The following SERTM1 variants were observed in gnomAD, a reference collection of about 807,000 sequenced individuals.
The protein encoded by SERTM1 is serine rich and transmembrane domain containing 1, also known as serine-rich and transmembrane domain-containing protein 1.
In SERTM1, 1 loss-of-function variant was observed where a neutral mutation model predicts 5.5. That is an observed-to-expected ratio of 0.18 (90% confidence interval 0.06 to 0.86). SERTM1 has a LOEUF of 0.86. Among genes scored for constraint, SERTM1 ranks in the 40% least tolerant of loss-of-function variants. The probability of loss-of-function intolerance (pLI) is 0.69; values close to 1 mark genes in which losing one functional copy is unlikely to be tolerated. For synonymous variants in SERTM1, 52 were observed against 55.1 expected, an observed-to-expected ratio of 0.94 and a Z score of 0.25; for missense variants, 91 against 122.4, an observed-to-expected ratio of 0.74 and a Z score of 1.21.
In SERTM1 at chr13:36,695,490, GA is replaced by G. The variant is rs1320046202; in HGVS notation, c.*89del. ...TGAGGCATTGCCTCATGAAAGAAAT[GA>G]TCCTTTTGGTGTAGACCTGCTTCTC... On this transcript the variant is annotated 3_prime_UTR_variant, in exon 2 of 2. Transcript: ENST00000315190. 1 of 937,774 alleles carries G rather than the reference GA, an allele frequency of 1.1e-6. No individual in the cohort carries two copies. The highest frequency in any genetic ancestry group is 2.4e-5 in the Admixed American group (1 of 42,270). The allele number at this position is 937,774 out of a possible 1,614,324, so 58.1% of individuals were successfully genotyped here.
chr13:36,684,362 C>G (rs1172846413), intron 1 of SERTM1, among the ~76,000 whole-genome samples: 1 of 152,102 alleles, frequency 6.6e-6, no homozygotes, highest in Non-Finnish European at 1.5e-5. Context: ...ATAATACTAA[C>G]TGACTTAATG....
chr13:36,674,706 A>T (rs1261023159), intron 1 of SERTM1, among the ~76,000 whole-genome samples: 2 of 152,078 alleles, frequency 1.3e-5, no homozygotes, highest in Non-Finnish European at 2.9e-5. Context: ...CTTCTCGGGA[A>T]CGGGGACTCG....
chr13:36,687,835 G>A (rs1300380940), intron 1 of SERTM1, among the ~76,000 whole-genome samples: 1 of 152,030 alleles, frequency 6.6e-6, no homozygotes, highest in African/African-American at 2.4e-5. Flanking sequence ...CATTAAACTC[G>A]TTAGCCTGGA....
In SERTM1 at chr13:36,694,444, G is replaced by A. The variant is rs560104725; in HGVS notation, c.-173-462G>A. On this transcript the variant is annotated intron_variant, in intron 1 of 1. Transcript: ENST00000315190. The stretch of plus-strand genomic sequence containing the variant: ...ACAAATCAGCATCTTACAAACATTC[G>A]ATAAAAAGCAAACTCACATGTGCAG... Among the ~76,000 whole-genome samples, 33 of 152,288 alleles carry A rather than the reference G, an allele frequency of 2.2e-4. No individual in the cohort carries two copies. The South Asian group carries it at 6.4e-3, about 30-fold the overall frequency.
In SERTM1 at chr13:36,696,577, G is replaced by T. The variant is rs151065693; in HGVS notation, c.*1175G>T. Reference sequence around the variant, plus strand: ...CTTTAGGGATCCTAGGAGCTGCCGTGCTGCAGGCAGCAGAGTATGTCTGAA... The same window carrying T: ...CTTTAGGGATCCTAGGAGCTGCCGTTCTGCAGGCAGCAGAGTATGTCTGAA... On this transcript the variant is annotated 3_prime_UTR_variant, in exon 2 of 2. Transcript: ENST00000315190. 1 of 166,926 alleles carries T rather than the reference G, an allele frequency of 6.0e-6. No individual in the cohort carries two copies. Among genetic ancestry groups the T allele is most frequent in the African/African-American group, 2.4e-5 (1 of 41,402 alleles). The allele number at this position is 166,926 out of a possible 1,614,324, so 10.3% of individuals were successfully genotyped here.
chr13:36,695,632 G>T lies in SERTM1; in HGVS notation c.*230G>T, dbSNP rs1170544077. On this transcript the variant is annotated 3_prime_UTR_variant, in exon 2 of 2. Coordinates refer to ENST00000315190, the MANE Select transcript of SERTM1 (RefSeq NM_203451.3). ...CAAGGTGCAGAATTTCACACAAATG[G>T]CTTGATGAATCTAGACTGGGCTTCT... 7 of 579,154 alleles carry T rather than the reference G, an allele frequency of 1.2e-5. No individual in the cohort carries two copies. The South Asian group carries it at 1.6e-4, about 13-fold the overall frequency. 35.9% of individuals were successfully genotyped at this position (579,154 alleles called of 1,614,324 possible).
chr13:36,679,194 C>A (rs774175200), intron 1 of SERTM1, among the ~76,000 whole-genome samples: 33 of 152,118 alleles, frequency 2.2e-4, no homozygotes, highest in Non-Finnish European at 4.0e-4. Flanking sequence ...ATCCAAAAAT[C>A]CAAAGTCTGA....
In SERTM1 at chr13:36,697,097, C is replaced by A. The variant is rs956109509; in HGVS notation, c.*1695C>A. 1 of 166,852 alleles carries A rather than the reference C, an allele frequency of 6.0e-6. No homozygotes were observed. Among genetic ancestry groups the A allele is most frequent in the African/African-American group, 2.4e-5 (1 of 41,364 alleles). The allele number at this position is 166,852 out of a possible 1,614,324, so 10.3% of individuals were successfully genotyped here. On this transcript the variant is annotated 3_prime_UTR_variant, in exon 2 of 2. Transcript: ENST00000315190. ...TTAACTATTTATATATCAAAAACGT[C>A]CCCAAACACCATAAGACCAGCACAG...
At position 36,697,172 on chromosome 13, in the gene SERTM1, A is replaced by G. The variant is rs764031293; in HGVS notation, c.*1770A>G. The G allele has an allele frequency of 6.0e-6, 1 of 166,892 alleles. No homozygotes were observed. Among genetic ancestry groups the G allele is most frequent in the Non-Finnish European group, 1.5e-5 (1 of 68,096 alleles). The allele number at this position is 166,892 out of a possible 1,614,324, so 10.3% of individuals were successfully genotyped here. A position where few individuals can be genotyped will look rare whatever the true frequency, so the allele number is the denominator to read the frequency against. ...TAGTGAAAAATTTACCTCTGCTTCC[A>G]TTTAAAGCATGGCAGTGGGTTGGGT... On this transcript the variant is annotated 3_prime_UTR_variant, in exon 2 of 2. Transcript: ENST00000315190.
At chr13:36,682,527 A>G (rs2056711410) in intron 1 of SERTM1, among the ~76,000 whole-genome samples, 2 of 152,240 alleles carry the variant, frequency 1.3e-5, no homozygotes. Flanking sequence ...TGGCTTGAGT[A>G]GAGACCTGCA....
At chr13:36,680,429 C>CT (rs1308851090) in intron 1 of SERTM1, among the ~76,000 whole-genome samples, 1 of 152,090 alleles carries the variant, frequency 6.6e-6, no homozygotes, top group Non-Finnish European at 1.5e-5. Flanking sequence ...AAATTAACTT[C>CT]TTTTTTGTCT....
chr13:36,691,098 A>C (rs1302232481), intron 1 of SERTM1, among the ~76,000 whole-genome samples: 2 of 152,220 alleles, frequency 1.3e-5, no homozygotes, highest in Non-Finnish European at 2.9e-5. Flanking sequence ...GAGTTTTACA[A>C]ACTATTGTGT....
In SERTM1 at chr13:36,697,312, A is replaced by AATAT. The variant is rs57478418; in HGVS notation, c.*1932_*1935dup. 0.035 allele frequency: 5,191 copies of AATAT among 146,694 alleles called. 86 individuals carry two copies. The highest frequency in any genetic ancestry group is 0.058 in the Middle Eastern group (15 of 260). 9.1% of individuals were successfully genotyped at this position (146,694 alleles called of 1,614,324 possible). A position where few individuals can be genotyped will look rare whatever the true frequency, so the allele number is the denominator to read the frequency against. ...ATACGCACACACACACACACACATA[A>AATAT]ATATATATATATATATATATATATA... On this transcript the variant is annotated 3_prime_UTR_variant, in exon 2 of 2. Coordinates refer to ENST00000315190, the MANE Select transcript of SERTM1 (RefSeq NM_203451.3).
intron 1 of SERTM1, among the ~76,000 whole-genome samples, chr13:36,681,695 G>A (rs2056706119): frequency 1.3e-5 from 2 of 152,180 alleles, no homozygotes; most frequent in South Asian, 4.1e-4. Flanking sequence ...ATTTTCAAAG[G>A]ATGGAATTAT....
intron 1 of SERTM1, among the ~76,000 whole-genome samples, chr13:36,674,701 C>T (rs2056659023): frequency 6.6e-6 from 1 of 152,112 alleles, no homozygotes; most frequent in Non-Finnish European, 1.5e-5. Flanking sequence ...CGTCCCTTCT[C>T]GGGAACGGGG....
At chr13:36,679,872 G>A (rs943801847) in intron 1 of SERTM1, among the ~76,000 whole-genome samples, 6 of 152,154 alleles carry the variant, frequency 3.9e-5, no homozygotes, top group South Asian at 4.1e-4. Flanking sequence ...TTGTTCACAT[G>A]GGTGGCTAAG....
chr13:36,679,456 A>G (rs1176141731), intron 1 of SERTM1, among the ~76,000 whole-genome samples: 1 of 152,016 alleles, frequency 6.6e-6, no homozygotes, highest in African/African-American at 2.4e-5. Context: ...CCCAGGCTGG[A>G]CAGTGCAGTG....
At chr13:36,693,914 G>GTGTCTTC (rs1324086622) in intron 1 of SERTM1, among the ~76,000 whole-genome samples, 5 of 152,064 alleles carry the variant, frequency 3.3e-5, no homozygotes, top group African/African-American at 1.2e-4. Flanking sequence ...CTCACAACCT[G>GTGTCTTC]AACACAGTGA....
chr13:36,693,445 G>A (rs1182352058), intron 1 of SERTM1, among the ~76,000 whole-genome samples: 1 of 150,752 alleles, frequency 6.6e-6, no homozygotes, highest in African/African-American at 2.4e-5. Flanking sequence ...CAGCCTAATG[G>A]AATTAAAATC....
Sources: gnomAD v4.1 joint callset for allele counts (sites outside exome capture counted in the v4.1 genomes callset) on GRCh38, gnomAD v4.1.1 for gene constraint, MANE v1.5 for transcripts, NCBI Gene and HGNC (gene_info 2026-07-23, HGNC 2026-07-21) for gene names.